Variants in VWA8 observed in about 807,000 individuals in gnomAD.
The protein encoded by VWA8 is von Willebrand factor A domain-containing protein 8.
In VWA8, 221 loss-of-function variants were observed where a neutral mutation model predicts 241.5. The ratio of observed to expected loss-of-function variants is 0.91; its 90% CI spans 0.82 to 1.02. VWA8 has a LOEUF of 1.02. Among genes scored for constraint, VWA8 ranks in the 50% least tolerant of loss-of-function variants. VWA8 has a pLI of 0.00. For synonymous variants in VWA8, 852 were observed against 827.1 expected (o/e 1.03, Z -0.52); for missense variants, 2,322 against 2,328.7 (o/e 1.00, Z 0.06).
At chr13:41,617,927 G>A (rs548777708) in intron 37 of VWA8, among the ~76,000 whole-genome samples, 7 of 151,520 alleles carry the variant, frequency 4.6e-5, no homozygotes, top group East Asian at 1.9e-4. Flanking sequence ...GAATAGTGCC[G>A]CAATAAACAT....
At chr13:41,912,674 G>T (rs1450168713) in intron 2 of VWA8, among the ~76,000 whole-genome samples, 1 of 152,116 alleles carries the variant, frequency 6.6e-6, no homozygotes. Flanking sequence ...AACTTAAGTT[G>T]GTAATGGGTT....
chr13:41,882,628 C>G (rs1478989444), intron 9 of VWA8, among the ~76,000 whole-genome samples: 4 of 152,244 alleles, frequency 2.6e-5, no homozygotes, highest in African/African-American at 9.6e-5. Flanking sequence ...ACAGCGAAAC[C>G]CCGTCTCCAC....
At chr13:41,665,191 T>C (rs1398938255) in intron 37 of VWA8, among the ~76,000 whole-genome samples, 3 of 152,168 alleles carry the variant, frequency 2.0e-5, no homozygotes, top group African/African-American at 2.4e-5. Context: ...CCATAAAGCA[T>C]TGAAGAATTC....
chr13:41,573,251 T>TACAAA (rs990494644), intron 43 of VWA8, among the ~76,000 whole-genome samples: 1 of 147,816 alleles, frequency 6.8e-6, no homozygotes, highest in African/African-American at 2.5e-5. Flanking sequence ...CTACTAAAGA[T>TACAAA]ACAAAACAAA....
At chr13:41,774,999 G>C (rs1344372107) in intron 20 of VWA8, among the ~76,000 whole-genome samples, 1 of 152,222 alleles carries the variant, frequency 6.6e-6, no homozygotes, top group Non-Finnish European at 1.5e-5. Flanking sequence ...AGAAAGAAGA[G>C]AGCATGCTGG....
chr13:41,849,810 C>G (rs916616280), intron 12 of VWA8, among the ~76,000 whole-genome samples: 1 of 151,934 alleles, frequency 6.6e-6, no homozygotes, highest in Non-Finnish European at 1.5e-5. Flanking sequence ...TCACTTGAAC[C>G]TGGGTGGCAG....
chr13:41,572,769 G>C (rs1161136412), intron 43 of VWA8, among the ~76,000 whole-genome samples: 2 of 96,882 alleles, frequency 2.1e-5, no homozygotes, highest in Non-Finnish European at 4.1e-5. Flanking sequence ...CCCTCTCCGA[G>C]AAACACCCAA....
intron 24 of VWA8, among the ~76,000 whole-genome samples, chr13:41,722,781 C>T (rs2045403095): frequency 6.6e-6 from 1 of 152,054 alleles, no homozygotes; most frequent in Non-Finnish European, 1.5e-5. Context: ...GCAGCTGGTA[C>T]AGCTAATCCA....
chr13:41,908,945 C>T (rs1875858609), intron 3 of VWA8, among the ~76,000 whole-genome samples: 1 of 152,134 alleles, frequency 6.6e-6, no homozygotes, highest in Non-Finnish European at 1.5e-5. Context: ...TTTTCTCCAT[C>T]CTATCTCCAT....
In VWA8 at chr13:41,605,284, C is replaced by A; in HGVS notation, c.4878-8G>T. 1 of 1,612,088 alleles carries A rather than the reference C, an allele frequency of 6.2e-7. No individual in the cohort carries two copies. Among genetic ancestry groups the A allele is most frequent in the South Asian group, 1.1e-5 (1 of 90,996 alleles). ...ATTTGGATCTCCTTTAGCCTGAAAT[C>A]AGAAGAGTATAAAAAGTTAACAGCT... On this transcript the variant is annotated splice_region_variant and splice_polypyrimidine_tract_variant and intron_variant, in intron 39 of 44. Coordinates refer to ENST00000379310, the MANE Select transcript of VWA8 (RefSeq NM_015058.2).
At chr13:41,578,008 A>G (rs1459464651) in intron 42 of VWA8, among the ~76,000 whole-genome samples, 1 of 152,224 alleles carries the variant, frequency 6.6e-6, no homozygotes, top group Non-Finnish European at 1.5e-5. Context: ...GCAACCATCC[A>G]TCTATCATTT....
intron 4 of VWA8, among the ~76,000 whole-genome samples, chr13:41,895,836 T>C (rs1387044221): frequency 1.3e-5 from 2 of 150,916 alleles, no homozygotes; most frequent in Admixed American, 6.6e-5. Flanking sequence ...ATTTTCTTTT[T>C]TTTTTTTTTT....
intron 3 of VWA8, among the ~76,000 whole-genome samples, chr13:41,910,598 A>C (rs1046464302): frequency 6.6e-6 from 1 of 151,808 alleles, no homozygotes; most frequent in Non-Finnish European, 1.5e-5. Context: ...AAAACAAAAA[A>C]AAAAAACAAC....
In VWA8 at chr13:41,865,899, T is replaced by A; in HGVS notation, c.1347+3A>T. On this transcript the variant is annotated splice_donor_region_variant and intron_variant, in intron 11 of 44. Transcript: ENST00000379310. ...AAGTCTGCAGTGAGACTGTCATTCT[T>A]ACCTTTCCTCCAATTAAACATATAT... 6.2e-7 allele frequency: 1 copy of A among 1,614,216 alleles called. No individual in the cohort carries two copies. The highest frequency in any genetic ancestry group is 8.5e-7 in the Non-Finnish European group (1 of 1,180,022).
chr13:41,840,749 A>G (rs1471025312), intron 12 of VWA8, among the ~76,000 whole-genome samples: 1 of 150,714 alleles, frequency 6.6e-6, no homozygotes, highest in Admixed American at 6.6e-5. Context: ...ACAAAGTGAG[A>G]CCGTCTCAAA....
At chr13:41,910,592 C>CA (rs543346559) in intron 3 of VWA8, among the ~76,000 whole-genome samples, 1,705 of 130,510 alleles carry the variant, frequency 0.013, 22 homozygotes, top group South Asian at 0.047. Context: ...TCAAAAAAAA[C>CA]AAAAAAAAAA....
chr13:41,739,850 TTTTTTTG>T (rs1211847525), intron 21 of VWA8, among the ~76,000 whole-genome samples: 1,273 of 57,998 alleles, frequency 0.022, 49 homozygotes, highest in African/African-American at 0.056. Flanking sequence ...TTTTTTTTGT[TTTTTTTG>T]TTTTTTTTTT....
At chr13:41,592,634 G>T (rs1276307850) in intron 40 of VWA8, among the ~76,000 whole-genome samples, 1 of 139,806 alleles carries the variant, frequency 7.2e-6, no homozygotes, top group East Asian at 2.1e-4. Context: ...CTTTTCAATA[G>T]TTTCCATTTC....
At chr13:41,868,623 G>C (rs12429227) in intron 9 of VWA8, 146 bp from the exon 10 acceptor site, 276,450 of 976,226 alleles carry the variant, frequency 0.28, 42,768 homozygotes, top group Non-Finnish European at 0.3. Context: ...GGTGGCTCAG[G>C]CCTGTTAATC....
Sources: gnomAD v4.1 joint callset for allele counts (sites outside exome capture counted in the v4.1 genomes callset) on GRCh38, gnomAD v4.1.1 for gene constraint, MANE v1.5 for transcripts, NCBI Gene and HGNC (gene_info 2026-07-23, HGNC 2026-07-21) for gene names.